ARL6IP6: variants seen among roughly 807,000 people sequenced by gnomAD.
The protein encoded by ARL6IP6 is ARF like GTPase 6 interacting protein 6, also known as ADP-ribosylation factor-like protein 6-interacting protein 6.
Under a neutral mutation model 21.5 loss-of-function variants are expected in ARL6IP6, and 22 were observed. The observed-to-expected ratio is 1.02, with a 90% CI of 0.73 to 1.46. The LOEUF is 1.46. Ranked by LOEUF, ARL6IP6 falls within the 40% of genes most tolerant of loss-of-function variation. The pLI, the probability that ARL6IP6 is intolerant of heterozygous loss-of-function variation, is 0.00. For synonymous variants in ARL6IP6, 164 were observed against 125.3 expected (o/e 1.31, Z -2.06); for missense variants, 388 against 299.8 (o/e 1.29, Z -2.17).
chr2:152,729,197 C>G (rs1199845661), intron 2 of ARL6IP6, among the ~76,000 whole-genome samples: 1 of 152,136 alleles, frequency 6.6e-6, no homozygotes, highest in Admixed American at 6.5e-5. Flanking sequence ...TGGTGAAACC[C>G]TGTGTCTACT....
chr2:152,737,882 C>A (rs997285238), intron 3 of ARL6IP6, among the ~76,000 whole-genome samples: 3 of 152,128 alleles, frequency 2.0e-5, no homozygotes, highest in Non-Finnish European at 1.5e-5. Flanking sequence ...CTTTCAAAAC[C>A]AATCATGCCT....
rs923617231 is a variant in ARL6IP6, at chr2:152,760,480, A to T, written c.*640A>T. The T allele has an allele frequency of 6.6e-6, 1 of 151,992 alleles. No homozygotes were observed. The highest frequency in any genetic ancestry group is 2.4e-5 in the African/African-American group (1 of 41,410). The allele number at this position is 151,992 out of a possible 1,614,324, so 9.4% of individuals were successfully genotyped here. A position where few individuals can be genotyped will look rare whatever the true frequency, so the allele number is the denominator to read the frequency against. ...TTGTTACATCTAGACAACTGTAAACATTATTTTTTTAGCTAGTGCAAACCT... is the reference window on the plus strand; with the variant it reads ...TTGTTACATCTAGACAACTGTAAACTTTATTTTTTTAGCTAGTGCAAACCT... On this transcript the variant is annotated 3_prime_UTR_variant, in exon 4 of 4. Coordinates refer to ENST00000326446, the MANE Select transcript of ARL6IP6 (RefSeq NM_152522.7).
chr2:152,747,138 A>G (rs1232640418), intron 3 of ARL6IP6, among the ~76,000 whole-genome samples: 2 of 151,952 alleles, frequency 1.3e-5, no homozygotes, highest in Non-Finnish European at 2.9e-5. Context: ...CCAACAACTA[A>G]TTGTTAATAT....
At chr2:152,745,658 C>T (rs1701010692) in intron 3 of ARL6IP6, among the ~76,000 whole-genome samples, 1 of 152,084 alleles carries the variant, frequency 6.6e-6, no homozygotes, top group South Asian at 2.1e-4. Flanking sequence ...ACTAATGAAA[C>T]AGATGTCAGA....
At position 152,718,629 on chromosome 2, in the gene ARL6IP6, C is replaced by G. The variant is rs761845425; in HGVS notation, c.5C>G (p.Ser2Trp). The change falls in exon 1 of 4, where the codon TCG (serine) becomes TGG (tryptophan). Residue 2 changes from serine (S) to tryptophan (W), a missense_variant. Physicochemically the swap from Ser to Trp is radical, Grantham distance 177. Transcript: ENST00000326446. M[S>W]FAESGWRSAL... is the part of the protein sequence containing the mutation. ...GGTTTCGTTGTGTTTCGCGCCATGT[C>G]GTTTGCTGAGAGCGGGTGGCGGTCG... 3 of 1,528,716 alleles carry G rather than the reference C, an allele frequency of 2.0e-6. No individual in the cohort carries two copies. The highest frequency in any genetic ancestry group is 1.3e-5 in the South Asian group (1 of 77,976). The allele number at this position is 1,528,716 out of a possible 1,614,324, so 94.7% of individuals were successfully genotyped here.
At chr2:152,718,567 C>A, upstream of ARL6IP6, 1 of 1,485,966 alleles carries the variant, frequency 6.7e-7, no homozygotes, top group Non-Finnish European at 8.9e-7. Context: ...TGTTGCGGAC[C>A]CGGGGCGGGG....
At chr2:152,719,255 A>G (rs567027530) in intron 1 of ARL6IP6, among the ~76,000 whole-genome samples, 2 of 152,296 alleles carry the variant, frequency 1.3e-5, no homozygotes, top group South Asian at 2.1e-4. Flanking sequence ...GTTTGATTAA[A>G]TGGGTACTCT....
At chr2:152,723,821 G>A (rs902436370) in intron 2 of ARL6IP6, among the ~76,000 whole-genome samples, 36 of 152,110 alleles carry the variant, frequency 2.4e-4, no homozygotes, top group African/African-American at 8.5e-4. Flanking sequence ...CAAGAGAAAG[G>A]ATGTGTGGGA....
chr2:152,750,534 A>T (rs1361519082), intron 3 of ARL6IP6, among the ~76,000 whole-genome samples: 1 of 151,338 alleles, frequency 6.6e-6, no homozygotes, highest in East Asian at 1.9e-4. Context: ...GGAAGGAAGG[A>T]AATGGAAGGA....
intron 3 of ARL6IP6, among the ~76,000 whole-genome samples, chr2:152,735,676 T>G (rs1196620014): frequency 6.6e-6 from 1 of 152,196 alleles, no homozygotes; most frequent in Non-Finnish European, 1.5e-5. Flanking sequence ...TCAGTAGTGT[T>G]CTAACCTAGT....
intron 3 of ARL6IP6, among the ~76,000 whole-genome samples, chr2:152,736,629 A>G (rs1700564045): frequency 1.3e-5 from 2 of 152,128 alleles, no homozygotes; most frequent in South Asian, 4.1e-4. Flanking sequence ...TCTGTCCTCT[A>G]AGTTCTCACT....
rs1376708138 is a variant in ARL6IP6 at position 152,718,826 on chromosome 2, A to G, written c.202A>G (p.Arg68Gly). ...EFSAGAWSEP[R>G]KRSVLPPDGN... ...CTCGGCTGGGGCGTGGTCAGAGCCC[A>G]GAAAGCGCTCGGTGCTCCCGCCGGA... The change falls in exon 1 of 4, where the codon AGA becomes GGA. Residue 68 changes from arginine (R) to glycine (G), a missense_variant. Arg to Gly is a moderately radical substitution (Grantham distance 125). Coordinates refer to ENST00000326446, the MANE Select transcript of ARL6IP6 (RefSeq NM_152522.7). 3.7e-6 allele frequency: 6 copies of G among 1,610,124 alleles called. No individual in the cohort carries two copies. Among genetic ancestry groups the G allele is most frequent in the Admixed American group, 1.7e-5 (1 of 59,396 alleles).
upstream of ARL6IP6, chr2:152,718,165 G>T (rs1299818465): frequency 1.4e-6 from 1 of 708,506 alleles, no homozygotes; most frequent in Non-Finnish European, 1.7e-6. Context: ...GAGTGTGAGC[G>T]TAGTGGGGAA....
At position 152,730,998 on chromosome 2, in the gene ARL6IP6, A is replaced by G. The variant is rs557679771; in HGVS notation, c.455-3996A>G. Among the ~76,000 whole-genome samples, 4 of 152,290 alleles carry G rather than the reference A, an allele frequency of 2.6e-5. No individual in the cohort carries two copies. The East Asian group carries it at 7.7e-4, about 29-fold the overall frequency. Reference sequence around the variant, plus strand: ...CTAAGGAAATCTTTCTCACTTGTCGATAAGCCCCTCACTCTCTCCCTGTTC... The same window carrying G: ...CTAAGGAAATCTTTCTCACTTGTCGGTAAGCCCCTCACTCTCTCCCTGTTC... On this transcript the variant is annotated intron_variant, in intron 2 of 3. Coordinates refer to ENST00000326446, the MANE Select transcript of ARL6IP6 (RefSeq NM_152522.7).
chr2:152,756,608 A>G (rs34454505), intron 3 of ARL6IP6, among the ~76,000 whole-genome samples: 19,525 of 152,184 alleles, frequency 0.13, 1,544 homozygotes, highest in Middle Eastern at 0.25. Context: ...AAAGAACTCT[A>G]TAAACCAATA....
chr2:152,717,733 A>G, upstream of ARL6IP6: 1 of 1,331,448 alleles, frequency 7.5e-7, no homozygotes, highest in Non-Finnish European at 9.7e-7. Context: ...ACAGTGTCCC[A>G]GCTTCCCGAG....
At position 152,761,573 on chromosome 2, in the gene ARL6IP6, A is replaced by AC. The variant is rs1310544959; in HGVS notation, c.*1733_*1734insC. On this transcript the variant is annotated 3_prime_UTR_variant, in exon 4 of 4. Transcript: ENST00000326446. ...TACACCCTAGACAGTCATGTGCCAT[A>AC]TAACAACGTTTTGGTCACAACGAAC... is the stretch of plus-strand genomic sequence containing the variant. Among the ~76,000 whole-genome samples, 4 of 152,230 alleles carry AC rather than the reference A, an allele frequency of 2.6e-5. No individual in the cohort carries two copies. Among genetic ancestry groups the AC allele is most frequent in the Admixed American group, 6.5e-5 (1 of 15,276 alleles).
chr2:152,732,171 T>C (rs1002343506), intron 2 of ARL6IP6, among the ~76,000 whole-genome samples: 2 of 151,946 alleles, frequency 1.3e-5, no homozygotes, highest in Non-Finnish European at 2.9e-5. Context: ...TTGTATATTA[T>C]AATATACAGA....
intron 3 of ARL6IP6, among the ~76,000 whole-genome samples, chr2:152,750,826 G>A (rs1701293709): frequency 6.6e-6 from 1 of 152,194 alleles, no homozygotes. Context: ...ATTCATCTGT[G>A]CAATGTATTT....
Sources: allele counts gnomAD v4.1 joint callset (sites outside exome capture counted in the v4.1 genomes callset), GRCh38; gene constraint gnomAD v4.1.1; transcripts MANE v1.5; gene names NCBI Gene and HGNC (gene_info 2026-07-23, HGNC 2026-07-21).